ZFYVE1: variants seen among roughly 807,000 people sequenced by gnomAD.
ZFYVE1 encodes the protein zinc finger FYVE domain-containing protein 1.
Under a neutral mutation model 74.4 loss-of-function variants are expected in ZFYVE1, and 30 were observed. That is an observed-to-expected ratio of 0.40 (90% CI 0.30 to 0.55). The LOEUF is 0.55. Ranked by LOEUF, ZFYVE1 falls within the 20% of genes least tolerant of loss-of-function variation. The pLI is 0.42. For synonymous variants in ZFYVE1, 335 were observed against 385.1 expected (o/e 0.87, Z 1.52); for missense variants, 703 against 1,011.6 (o/e 0.69, Z 4.14).
chr14:72,991,283 G>A lies in ZFYVE1; in HGVS notation c.1203+1860C>T, dbSNP rs368636869. Among the ~76,000 whole-genome samples the A allele has an allele frequency of 2.5e-4, 37 of 148,692 alleles. No individual in the cohort carries two copies. In the East Asian group the frequency reaches 5.4e-3, roughly 22 times the overall value. On this transcript the variant is annotated intron_variant, in intron 4 of 11. Transcript: ENST00000556143. ...CGGCTCACTGCAAGCTCCGCCTCCC[G>A]GGTTCACGCCATTCTCCTGCCTCAG...
chr14:73,010,482 T>A (rs1042992099), intron 2 of ZFYVE1, among the ~76,000 whole-genome samples: 1 of 152,026 alleles, frequency 6.6e-6, no homozygotes, highest in African/African-American at 2.4e-5. Flanking sequence ...ATGCTTGTAA[T>A]CCCAGCTACT....
At chr14:73,005,729 G>C (rs147525366) in intron 2 of ZFYVE1, among the ~76,000 whole-genome samples, 10 of 152,158 alleles carry the variant, frequency 6.6e-5, no homozygotes, top group African/African-American at 2.4e-4. Flanking sequence ...GTAAGCACTC[G>C]ATACGTGAAC....
intron 4 of ZFYVE1, among the ~76,000 whole-genome samples, chr14:72,991,291 G>A (rs1257966272): frequency 1.4e-5 from 2 of 147,158 alleles, no homozygotes; most frequent in African/African-American, 5.0e-5. Flanking sequence ...CCGGGTTCAC[G>A]CCATTCTCCT....
chr14:72,970,038 A>T lies in ZFYVE1; in HGVS notation c.*844T>A, dbSNP rs1479710303. 5.1e-6 allele frequency: 2 copies of T among 395,692 alleles called. No individual in the cohort carries two copies. The highest frequency in any genetic ancestry group is 2.1e-5 in the African/African-American group (1 of 48,480). The allele number at this position is 395,692 out of a possible 1,614,324, so 24.5% of individuals were successfully genotyped here. On this transcript the variant is annotated 3_prime_UTR_variant, in exon 12 of 12. Coordinates refer to ENST00000556143, the MANE Select transcript of ZFYVE1 (RefSeq NM_021260.4). ...GGGCTTGAGGGGGCCGAGGGGTGGG[A>T]GGCAGATGCTTCGATTGAGGAGCTG...
chr14:72,978,310 C>A, intron 6 of ZFYVE1, 76 bp from the exon 7 acceptor site: 1 of 1,461,924 alleles, frequency 6.8e-7, no homozygotes. Context: ...GTTTTACCAG[C>A]CCAGGCTGGT....
rs546221582 is a variant in ZFYVE1 at position 72,977,422 on chromosome 14, A to C, written c.1635+505T>G. 2.2e-3 allele frequency among the ~76,000 whole-genome samples: 334 copies of C among 152,316 alleles called. 1 individual carries two copies. Among genetic ancestry groups the C allele is most frequent in the African/African-American group, 7.8e-3 (325 of 41,568 alleles). On this transcript the variant is annotated intron_variant, in intron 8 of 11. Coordinates refer to ENST00000556143, the MANE Select transcript of ZFYVE1 (RefSeq NM_021260.4). ...AAGAGCGAAACTCCGTCTCAAAAAA[A>C]AAAAGATTAAGCGTCTATAGGAATC...
chr14:73,010,073 T>G (rs1267664358), intron 2 of ZFYVE1, among the ~76,000 whole-genome samples: 1 of 151,842 alleles, frequency 6.6e-6, no homozygotes, highest in Non-Finnish European at 1.5e-5. Flanking sequence ...CAGAGCAACA[T>G]GTCTCAAAAA....
chr14:73,002,222 G>A (rs1893887714), intron 2 of ZFYVE1, among the ~76,000 whole-genome samples: 2 of 151,740 alleles, frequency 1.3e-5, no homozygotes, highest in Admixed American at 1.3e-4. Context: ...TCCAGAGCAG[G>A]CAGATTCATA....
chr14:73,019,076 C>CA (rs1208151271), intron 2 of ZFYVE1, among the ~76,000 whole-genome samples: 2 of 152,170 alleles, frequency 1.3e-5, no homozygotes, highest in Admixed American at 6.6e-5. Flanking sequence ...GACCAACAGT[C>CA]AGTCTCTTCT....
intron 3 of ZFYVE1, among the ~76,000 whole-genome samples, chr14:72,994,366 C>CAATGTACATGAA (rs1197760232): frequency 7.0e-6 from 1 of 142,622 alleles, no homozygotes; most frequent in Admixed American, 7.0e-5. Flanking sequence ...TACTCTGACT[C>CAATGTACATGAA]AATGTACATG....
chr14:73,007,813 G>A (rs1338250497), intron 2 of ZFYVE1, among the ~76,000 whole-genome samples: 3 of 152,178 alleles, frequency 2.0e-5, no homozygotes, highest in Non-Finnish European at 4.4e-5. Flanking sequence ...CCTCAACACA[G>A]CAAGTTTAGA....
Position 72,993,191 on chromosome 14 carries a change from G to A in ZFYVE1, c.1155C>T (p.Asn385=). 1 of 1,613,666 alleles carries A rather than the reference G, an allele frequency of 6.2e-7. No individual in the cohort carries two copies. Among genetic ancestry groups the A allele is most frequent in the South Asian group, 1.1e-5 (1 of 91,058 alleles). ...RRALEQLLEN[N]TTRSPRHPGV... is the part of the protein sequence containing the mutation. The stretch of plus-strand genomic sequence containing the variant: ...CCGGGTGCCGGGGAGAACGGGTGGT[G>A]TTATTCTCTAGTAGCTGCTCCAAAG... Residue 385 remains asparagine (N), a synonymous_variant, in exon 4 of 12, where the codon AAC becomes AAT. Transcript: ENST00000556143.
At chr14:72,991,748 A>C (rs2140361152) in intron 4 of ZFYVE1, among the ~76,000 whole-genome samples, 1 of 152,324 alleles carries the variant, frequency 6.6e-6, no homozygotes, top group African/African-American at 2.4e-5. Flanking sequence ...CTGGAAATGT[A>C]TGTATTTCAT....
At chr14:73,013,026 C>T (rs1894121043) in intron 2 of ZFYVE1, among the ~76,000 whole-genome samples, 1 of 152,100 alleles carries the variant, frequency 6.6e-6, no homozygotes, top group African/African-American at 2.4e-5. Flanking sequence ...TAACTTCATG[C>T]CAGAACCAGG....
At chr14:73,005,368 G>C (rs1002656665) in intron 2 of ZFYVE1, among the ~76,000 whole-genome samples, 4 of 152,180 alleles carry the variant, frequency 2.6e-5, no homozygotes, top group Admixed American at 6.5e-5. Context: ...CAATCCTGGA[G>C]TTAAATAGGT....
intron 4 of ZFYVE1, among the ~76,000 whole-genome samples, chr14:72,992,318 T>C (rs1218590414): frequency 6.6e-6 from 1 of 152,182 alleles, no homozygotes. Flanking sequence ...TGAGAGGCAG[T>C]ACAGGCTTTG....
At chr14:73,008,530 G>C (rs747259800) in intron 2 of ZFYVE1, among the ~76,000 whole-genome samples, 1 of 152,104 alleles carries the variant, frequency 6.6e-6, no homozygotes, top group Non-Finnish European at 1.5e-5. Flanking sequence ...TTAGCTCCCT[G>C]ATCAGTTTCT....
intron 2 of ZFYVE1, among the ~76,000 whole-genome samples, chr14:73,002,037 A>C (rs546654121): frequency 3.9e-5 from 6 of 152,336 alleles, no homozygotes; most frequent in Non-Finnish European, 7.3e-5. Context: ...CATTTTTGTG[A>C]AATGAACGTA....
intron 2 of ZFYVE1, among the ~76,000 whole-genome samples, chr14:73,015,854 G>A (rs1424307597): frequency 6.6e-6 from 1 of 151,754 alleles, no homozygotes; most frequent in East Asian, 2.0e-4. Context: ...CTGTACCCAA[G>A]AGGTGGAGAT....
Sources: gnomAD v4.1 joint callset for allele counts (sites outside exome capture counted in the v4.1 genomes callset) on GRCh38, gnomAD v4.1.1 for gene constraint, MANE v1.5 for transcripts, NCBI Gene and HGNC (gene_info 2026-07-23, HGNC 2026-07-21) for gene names.